AIG1: variants seen among roughly 807,000 people sequenced by gnomAD.
AIG1 encodes androgen induced 1, also known as androgen-induced gene 1 protein.
A neutral mutation model predicts 31.4 loss-of-function variants in AIG1; 23 were observed. That is an observed-to-expected ratio of 0.73 (90% CI 0.53 to 1.04). The LOEUF (loss-of-function observed/expected upper bound fraction) is 1.04. AIG1 is among the 50% of genes least tolerant of loss of function. The pLI, the probability that AIG1 is intolerant of heterozygous loss-of-function variation, is 0.00. For synonymous variants in AIG1, 100 were observed against 110.5 expected (o/e 0.90, Z 0.60); for missense variants, 274 against 295.0 (o/e 0.93, Z 0.52).
intron 3 of AIG1, among the ~76,000 whole-genome samples, chr6:143,165,950 A>G (rs1304368216): frequency 3.3e-5 from 5 of 152,148 alleles, no homozygotes; most frequent in Non-Finnish European, 5.9e-5. Flanking sequence ...AGAAGCATGC[A>G]TTTTGGTTAC....
At chr6:143,218,393 C>T (rs971296621) in intron 3 of AIG1, among the ~76,000 whole-genome samples, 2 of 152,188 alleles carry the variant, frequency 1.3e-5, no homozygotes, top group Non-Finnish European at 2.9e-5. Flanking sequence ...GATACCTTTC[C>T]CTACATGCCA....
At chr6:143,203,600 T>C (rs1790871237) in intron 3 of AIG1, among the ~76,000 whole-genome samples, 1 of 152,182 alleles carries the variant, frequency 6.6e-6, no homozygotes. Context: ...GGCTTCTCTA[T>C]GTACTTAGGA....
rs1444063009 is a variant in AIG1, at chr6:143,188,105, G to A, written c.399+22922G>A. ...TACAGTGATAAATGGAGAGACGGGA[G>A]TTTAAAATGAAGGATAAGCCGCAAA... On this transcript the variant is annotated intron_variant, in intron 3 of 5. Coordinates refer to ENST00000357847, the MANE Select transcript of AIG1 (RefSeq NM_016108.4). 3.0e-6 allele frequency: 3 copies of A among 1,006,062 alleles called. No homozygotes were observed. In the East Asian group the frequency reaches 2.9e-4, roughly 99 times the overall value. The allele number at this position is 1,006,062 out of a possible 1,614,324, so 62.3% of individuals were successfully genotyped here. A position where few individuals can be genotyped will look rare whatever the true frequency, so the allele number is the denominator to read the frequency against.
At chr6:143,080,254 C>G (rs952131153) in intron 1 of AIG1, among the ~76,000 whole-genome samples, 1 of 152,088 alleles carries the variant, frequency 6.6e-6, no homozygotes, top group Non-Finnish European at 1.5e-5. Flanking sequence ...GGGAGGGGTG[C>G]CTTCAATGTC....
At chr6:143,128,404 T>G (rs1562404199) in intron 1 of AIG1, among the ~76,000 whole-genome samples, 2 of 152,096 alleles carry the variant, frequency 1.3e-5, no homozygotes, top group Admixed American at 1.3e-4. Context: ...TCCTGGGATT[T>G]TTGTTGTTGT....
chr6:143,110,688 CGGAGTTTTT>C (rs1781188889), intron 1 of AIG1, among the ~76,000 whole-genome samples: 1 of 152,022 alleles, frequency 6.6e-6, no homozygotes, highest in Non-Finnish European at 1.5e-5. Context: ...GGAGGAGGTG[CGGAGTTTTT>C]TTTGGTTGTT....
chr6:143,062,945 G>C (rs180845243), intron 1 of AIG1, among the ~76,000 whole-genome samples: 117 of 152,282 alleles, frequency 7.7e-4, no homozygotes, highest in Admixed American at 2.0e-3. Flanking sequence ...GGGAGCCATA[G>C]GTTCTAGAAA....
At chr6:143,240,552 A>G (rs1794165491) in intron 3 of AIG1, among the ~76,000 whole-genome samples, 1 of 152,200 alleles carries the variant, frequency 6.6e-6, no homozygotes. Flanking sequence ...GACCGAGCAC[A>G]TCATCCAATC....
chr6:143,257,362 A>C (rs55918821), intron 3 of AIG1, among the ~76,000 whole-genome samples: 15,020 of 152,308 alleles, frequency 0.099, 788 homozygotes, highest in South Asian at 0.18. Flanking sequence ...AAAACAAAAA[A>C]AAATTGTTAT....
At chr6:143,144,079 C>G (rs376315679) in intron 2 of AIG1, among the ~76,000 whole-genome samples, 32 of 152,170 alleles carry the variant, frequency 2.1e-4, no homozygotes, top group African/African-American at 3.1e-4. Context: ...CTTAGGTGAC[C>G]TATTTAATTT....
chr6:143,080,309 G>A (rs1267879655), intron 1 of AIG1, among the ~76,000 whole-genome samples: 4 of 152,208 alleles, frequency 2.6e-5, no homozygotes, highest in East Asian at 1.9e-4. Flanking sequence ...AGGGGTCCGC[G>A]GTAGATCTTA....
intron 2 of AIG1, among the ~76,000 whole-genome samples, chr6:143,150,903 T>C (rs1785166118): frequency 6.6e-6 from 1 of 152,102 alleles, no homozygotes; most frequent in Non-Finnish European, 1.5e-5. Flanking sequence ...ATGAAAAGTG[T>C]TTTTCAACAA....
chr6:143,248,994 T>C (rs185019225), intron 3 of AIG1, among the ~76,000 whole-genome samples: 75 of 152,358 alleles, frequency 4.9e-4, no homozygotes, highest in Admixed American at 9.1e-4. Flanking sequence ...CCCCCACTTA[T>C]ATTTAATTTT....
chr6:143,148,968 A>G (rs1784939066), intron 2 of AIG1, among the ~76,000 whole-genome samples: 1 of 152,202 alleles, frequency 6.6e-6, no homozygotes. Context: ...AATAGGCTAC[A>G]CCATCTATAG....
intron 3 of AIG1, among the ~76,000 whole-genome samples, chr6:143,259,716 C>A (rs1224734988): frequency 1.3e-5 from 2 of 152,178 alleles, no homozygotes; most frequent in Non-Finnish European, 2.9e-5. Context: ...TGCTAGTGTT[C>A]CCTGTTCAGT....
intron 4 of AIG1, among the ~76,000 whole-genome samples, chr6:143,302,944 G>A (rs1158185036): frequency 1.3e-5 from 2 of 152,064 alleles, no homozygotes; most frequent in Non-Finnish European, 2.9e-5. Flanking sequence ...GTATCTCATT[G>A]TGGTTTTGAT....
Position 143,086,729 on chromosome 6 carries a change from G to A in AIG1, c.141+25663G>A, listed in dbSNP as rs149209298. On this transcript the variant is annotated intron_variant, in intron 1 of 5. Transcript: ENST00000357847. ...TGAAGCATTAGTACCTAGGAGGCAG[G>A]GATCAGAGGAAGTAGATTCAAAGGT... Among the ~76,000 whole-genome samples the A allele has an allele frequency of 1.8e-4, 27 of 152,296 alleles. No homozygotes were observed. The East Asian group carries it at 5.2e-3, about 29-fold the overall frequency.
In AIG1 at chr6:143,144,701, T is replaced by C. The variant is rs535189243; in HGVS notation, c.297+7711T>C. 2.0e-5 allele frequency among the ~76,000 whole-genome samples: 3 copies of C among 152,382 alleles called. No homozygotes were observed. The East Asian group carries it at 5.8e-4, about 29-fold the overall frequency. On this transcript the variant is annotated intron_variant, in intron 2 of 5. Coordinates refer to ENST00000357847, the MANE Select transcript of AIG1 (RefSeq NM_016108.4). Reference sequence around the variant, plus strand: ...CAGCAAAGCTGCTTTGAATGATCTATATGAATTAGCCTCTCATTATTCTCT... The same window carrying C: ...CAGCAAAGCTGCTTTGAATGATCTACATGAATTAGCCTCTCATTATTCTCT...
rs1776911796 is a variant in AIG1, at chr6:143,329,674, C to G, written c.516-3608C>G. Among the ~76,000 whole-genome samples, 1 of 144,970 alleles carries G rather than the reference C, an allele frequency of 6.9e-6. No homozygotes were observed. Among genetic ancestry groups the G allele is most frequent in the Non-Finnish European group, 1.5e-5 (1 of 65,022 alleles). ...CGGTGTGCCAAATCCAGCCCACCAC[C>G]TGGATTTTTGTTTGTTTGTTTGTTT... On this transcript the variant is annotated intron_variant, in intron 4 of 5. Coordinates refer to ENST00000357847, the MANE Select transcript of AIG1 (RefSeq NM_016108.4). This position sits in a 1 kb window ranked among gnomAD's most constrained non-coding sequence, Gnocchi z 4.9.
Sources: allele counts gnomAD v4.1 joint callset (sites outside exome capture counted in the v4.1 genomes callset), GRCh38; gene constraint gnomAD v4.1.1; non-coding constraint Gnocchi (gnomAD v3.1); transcripts MANE v1.5; gene names NCBI Gene and HGNC (gene_info 2026-07-23, HGNC 2026-07-21).